The following ADAMTS17 variants were observed in gnomAD, a reference collection of about 807,000 sequenced individuals.
The protein encoded by ADAMTS17 is A disintegrin and metalloproteinase with thrombospondin motifs 17.
A neutral mutation model predicts 141.5 loss-of-function variants in ADAMTS17; 113 were observed. The ratio of observed to expected loss-of-function variants is 0.80; its 90% CI spans 0.69 to 0.93. The LOEUF (loss-of-function observed/expected upper bound fraction) is 0.93. Ranked by LOEUF, ADAMTS17 falls within the 40% of genes least tolerant of loss-of-function variation. The pLI is 0.00. For synonymous variants in ADAMTS17, 768 were observed against 630.6 expected, an observed-to-expected ratio of 1.22 and a Z score of -3.27; for missense variants, 1,659 against 1,517.9, an observed-to-expected ratio of 1.09 and a Z score of -1.54.
At chr15:100,293,178 G>A (rs1171386976) in intron 3 of ADAMTS17, among the ~76,000 whole-genome samples, 2 of 152,200 alleles carry the variant, frequency 1.3e-5, no homozygotes, top group Non-Finnish European at 2.9e-5. Flanking sequence ...GCACCCAGAA[G>A]AGGGGCCAAG....
chr15:99,988,983 C>A (rs1024714056), intron 20 of ADAMTS17, among the ~76,000 whole-genome samples: 1 of 152,134 alleles, frequency 6.6e-6, no homozygotes, highest in South Asian at 2.1e-4. Context: ...AAGTGTCCAG[C>A]GAGTCCTCAG....
At chr15:100,202,156 C>T (rs916194416) in intron 7 of ADAMTS17, among the ~76,000 whole-genome samples, 1 of 152,224 alleles carries the variant, frequency 6.6e-6, no homozygotes, top group Non-Finnish European at 1.5e-5. Context: ...AAATGCCACA[C>T]AAACACATCC....
chr15:100,212,477 G>A (rs534709240), intron 7 of ADAMTS17, among the ~76,000 whole-genome samples: 1 of 152,170 alleles, frequency 6.6e-6, no homozygotes, highest in Non-Finnish European at 1.5e-5. Flanking sequence ...TAATATGCAT[G>A]TGTGTATTTC....
chr15:100,284,721 A>C (rs2044391421), intron 3 of ADAMTS17, among the ~76,000 whole-genome samples: 1 of 152,190 alleles, frequency 6.6e-6, no homozygotes, highest in Non-Finnish European at 1.5e-5. Context: ...GAACCCTAAT[A>C]AACTTTTACC....
chr15:100,133,128 G>C (rs1246842575), intron 11 of ADAMTS17, 86 bp downstream of exon 11: 7 of 1,306,420 alleles, frequency 5.4e-6, no homozygotes, highest in Non-Finnish European at 1.1e-6. Flanking sequence ...CTCCTAAGTA[G>C]AGTACAGATT....
At chr15:100,040,285 C>A (rs1445191335) in intron 18 of ADAMTS17, among the ~76,000 whole-genome samples, 1 of 152,236 alleles carries the variant, frequency 6.6e-6, no homozygotes, top group Non-Finnish European at 1.5e-5. Flanking sequence ...GTTGCCCTTA[C>A]TGCACAGCCA....
chr15:100,293,178 G>C (rs1171386976), intron 3 of ADAMTS17, among the ~76,000 whole-genome samples: 1 of 152,200 alleles, frequency 6.6e-6, no homozygotes, highest in Admixed American at 6.5e-5. Flanking sequence ...GCACCCAGAA[G>C]AGGGGCCAAG....
At chr15:100,340,121 T>C (rs1438804575) in intron 2 of ADAMTS17, among the ~76,000 whole-genome samples, 1 of 152,256 alleles carries the variant, frequency 6.6e-6, no homozygotes, top group Non-Finnish European at 1.5e-5. Flanking sequence ...TCTGGGTCCA[T>C]ACCAAGCTTC....
chr15:100,132,171 G>T lies in ADAMTS17; in HGVS notation c.1576-19C>A. On this transcript the variant is annotated intron_variant, in intron 11 of 21. Transcript: ENST00000268070. ...GGCACCACTGAAACACAGCGGGGAG[G>T]GTCGGGGCCCAGGCACTCAGCAGAG... 2 of 1,611,322 alleles carry T rather than the reference G, an allele frequency of 1.2e-6. No homozygotes were observed. Among genetic ancestry groups the T allele is most frequent in the Non-Finnish European group, 8.5e-7 (1 of 1,179,314 alleles).
At chr15:100,238,391 C>G (rs151309355) in intron 7 of ADAMTS17, among the ~76,000 whole-genome samples, 1 of 152,192 alleles carries the variant, frequency 6.6e-6, no homozygotes, top group East Asian at 1.9e-4. Context: ...ACAAGAGCAA[C>G]GGCCTTTGTT....
At chr15:100,299,058 C>T (rs1414453704) in intron 3 of ADAMTS17, among the ~76,000 whole-genome samples, 3 of 152,112 alleles carry the variant, frequency 2.0e-5, no homozygotes, top group African/African-American at 7.2e-5. Context: ...TGTCTAAGGA[C>T]ACCGGTCATA....
chr15:100,263,102 A>G (rs1273227061), intron 4 of ADAMTS17, among the ~76,000 whole-genome samples: 2 of 152,170 alleles, frequency 1.3e-5, no homozygotes, highest in African/African-American at 2.4e-5. Flanking sequence ...TTTGAAAAAA[A>G]GAAGGGGCAG....
At chr15:100,091,028 A>C (rs113587821) in intron 15 of ADAMTS17, among the ~76,000 whole-genome samples, 1 of 143,638 alleles carries the variant, frequency 7.0e-6, no homozygotes, top group Non-Finnish European at 1.5e-5. Context: ...AAAAAAAAAA[A>C]GGGTAACCAA....
intron 8 of ADAMTS17, among the ~76,000 whole-genome samples, chr15:100,184,908 C>T (rs1012919739): frequency 2.6e-5 from 4 of 152,186 alleles, no homozygotes; most frequent in African/African-American, 9.7e-5. Context: ...CTCCTCCCGG[C>T]CCCATGGCTT....
At chr15:100,195,215 G>A (rs767224243) in intron 8 of ADAMTS17, among the ~76,000 whole-genome samples, 8 of 152,222 alleles carry the variant, frequency 5.3e-5, no homozygotes, top group African/African-American at 1.4e-4. Flanking sequence ...CAGCAAGGGT[G>A]GCCCCTCTGC....
At chr15:100,337,000 A>C (rs1006665349) in intron 2 of ADAMTS17, among the ~76,000 whole-genome samples, 2 of 152,098 alleles carry the variant, frequency 1.3e-5, no homozygotes, top group African/African-American at 4.8e-5. Context: ...CAGCCTCCCG[A>C]GTAGCTGGGA....
chr15:100,048,905 C>A lies in ADAMTS17; in HGVS notation c.2543G>T (p.Arg848Leu), dbSNP rs765114645. The A allele has an allele frequency of 1.9e-6, 3 of 1,614,130 alleles. No individual in the cohort carries two copies. The highest frequency in any genetic ancestry group is 3.3e-5 in the Admixed American group (2 of 60,018). ...GCACCTTCGGACCTGGGGCTCTGGG[C>A]GGCTTGCTTGAGGGCAGTCACTGTC... ...VNDSDCPQAS[R>L]PEPQVRRCNL... The change falls in exon 18 of 22, where the codon CGC (arginine) becomes CTC (leucine). Residue 848 changes from arginine (R) to leucine (L), a missense_variant. Coordinates refer to ENST00000268070, the MANE Select transcript of ADAMTS17 (RefSeq NM_139057.4).
At chr15:100,206,090 T>C (rs2141680801) in intron 7 of ADAMTS17, among the ~76,000 whole-genome samples, 4 of 152,298 alleles carry the variant, frequency 2.6e-5, no homozygotes, top group African/African-American at 2.4e-5. Flanking sequence ...AGACCATGGG[T>C]GGCTCCCTGT....
At chr15:100,032,127 A>AG (rs1240733573) in intron 18 of ADAMTS17, among the ~76,000 whole-genome samples, 1 of 152,166 alleles carries the variant, frequency 6.6e-6, no homozygotes, top group Non-Finnish European at 1.5e-5. Flanking sequence ...TTCCTTATCC[A>AG]GAAAATCTCA....
Sources: allele counts gnomAD v4.1 joint callset (sites outside exome capture counted in the v4.1 genomes callset), GRCh38; gene constraint gnomAD v4.1.1; transcripts MANE v1.5; gene names NCBI Gene and HGNC (gene_info 2026-07-23, HGNC 2026-07-21).